Variants in ZMIZ1 observed in about 807,000 individuals in gnomAD.
ZMIZ1 encodes zinc finger MIZ-type containing 1, also known as zinc finger MIZ domain-containing protein 1.
Under a neutral mutation model 113.9 loss-of-function variants are expected in ZMIZ1, and 17 were observed. That is an observed-to-expected ratio of 0.15 (90% CI 0.10 to 0.22). ZMIZ1 has a LOEUF of 0.22. Among genes scored for constraint, ZMIZ1 ranks in the 10% least tolerant of loss-of-function variants. The pLI is 1.00. For missense variants in ZMIZ1, 1,059 were observed against 1,477.8 expected (o/e 0.72, Z 4.65); for synonymous variants, 607 against 603.1 (o/e 1.01, Z -0.09).
At chr10:79,195,431 G>T (rs1847792825) in intron 4 of ZMIZ1, among the ~76,000 whole-genome samples, 1 of 152,374 alleles carries the variant, frequency 6.6e-6, no homozygotes, top group South Asian at 2.1e-4. Context: ...GCAGTAGGAA[G>T]GGCTGAGGCC....
At chr10:79,102,721 C>T (rs563319118) in intron 1 of ZMIZ1, among the ~76,000 whole-genome samples, 1 of 152,186 alleles carries the variant, frequency 6.6e-6, no homozygotes, top group African/African-American at 2.4e-5. Context: ...GCTTTGCTGC[C>T]GTAGGCTACC....
intron 3 of ZMIZ1, among the ~76,000 whole-genome samples, chr10:79,150,448 G>A (rs1845668350): frequency 6.6e-6 from 1 of 152,200 alleles, no homozygotes; most frequent in South Asian, 2.1e-4. Context: ...ACATGCTAAT[G>A]ACTTATCTCC....
chr10:79,221,746 C>A (rs189581890), intron 7 of ZMIZ1, among the ~76,000 whole-genome samples: 1 of 152,224 alleles, frequency 6.6e-6, no homozygotes. Flanking sequence ...CTCAGCTGAC[C>A]CGTGAGCAGC....
chr10:79,282,285 GCT>G (rs1329135684), intron 8 of ZMIZ1, among the ~76,000 whole-genome samples: 2 of 152,244 alleles, frequency 1.3e-5, no homozygotes, highest in African/African-American at 4.8e-5. Context: ...GAGGCAGGAA[GCT>G]CTTTTTGCCT....
At chr10:79,108,584 CAG>C (rs1010097340) in intron 1 of ZMIZ1, among the ~76,000 whole-genome samples, 3 of 152,024 alleles carry the variant, frequency 2.0e-5, no homozygotes, top group Admixed American at 2.0e-4. Context: ...GCTAGCAGGA[CAG>C]GGGGCCTGAT....
intron 7 of ZMIZ1, among the ~76,000 whole-genome samples, chr10:79,236,507 T>C (rs1464764706): frequency 6.6e-6 from 1 of 152,186 alleles, no homozygotes; most frequent in Non-Finnish European, 1.5e-5. Context: ...GAGCTGCCGT[T>C]GCCGTCTCTT....
intron 1 of ZMIZ1, among the ~76,000 whole-genome samples, chr10:79,097,278 A>G (rs1387401545): frequency 6.6e-6 from 1 of 152,204 alleles, no homozygotes; most frequent in East Asian, 1.9e-4. Flanking sequence ...TCTTTGCAGC[A>G]TGAAGGGAGG....
rs1260971713 is a variant in ZMIZ1, at chr10:79,313,210, G to C, written c.*461G>C. 6.2e-6 allele frequency: 1 copy of C among 160,492 alleles called. No individual in the cohort carries two copies. The highest frequency in any genetic ancestry group is 2.4e-5 in the African/African-American group (1 of 41,526). 9.9% of individuals were successfully genotyped at this position (160,492 alleles called of 1,614,324 possible). A position where few individuals can be genotyped will look rare whatever the true frequency, so the allele number is the denominator to read the frequency against. ...ACTGTGGAGCCTGAGAAGGCCCCCG[G>C]GCCCCAGCATGGGCCCCGAGCCTTG... On this transcript the variant is annotated 3_prime_UTR_variant, in exon 25 of 25. Coordinates refer to ENST00000334512, the MANE Select transcript of ZMIZ1 (RefSeq NM_020338.4).
At chr10:79,093,142 AC>A (rs1843039732) in intron 1 of ZMIZ1, among the ~76,000 whole-genome samples, 1 of 119,040 alleles carries the variant, frequency 8.4e-6, no homozygotes, top group East Asian at 2.7e-4. Flanking sequence ...CCCAACACAC[AC>A]ACACACACAC....
chr10:79,166,522 A>G (rs538341921), intron 4 of ZMIZ1, among the ~76,000 whole-genome samples: 2 of 152,104 alleles, frequency 1.3e-5, no homozygotes, highest in Admixed American at 6.5e-5. Context: ...CTGCTAGCCC[A>G]CCCTGCAGCT....
At chr10:79,134,653 T>C (rs1458820296) in intron 2 of ZMIZ1, among the ~76,000 whole-genome samples, 2 of 152,214 alleles carry the variant, frequency 1.3e-5, no homozygotes, top group Admixed American at 1.3e-4. Context: ...CCTTGCACCC[T>C]GTGGGCTATC....
chr10:79,170,008 A>G lies in ZMIZ1; in HGVS notation c.-50+7875A>G, dbSNP rs187596693. ...TTCAAGTGGGAACTTCTAGGAGGATACTTTGAGATGGAGACACAGTGCTTC... is the reference window on the plus strand; with the variant it reads ...TTCAAGTGGGAACTTCTAGGAGGATGCTTTGAGATGGAGACACAGTGCTTC... On this transcript the variant is annotated intron_variant, in intron 4 of 24. Coordinates refer to ENST00000334512, the MANE Select transcript of ZMIZ1 (RefSeq NM_020338.4). Among the ~76,000 whole-genome samples, 11 of 152,302 alleles carry G rather than the reference A, an allele frequency of 7.2e-5. 1 individual carries two copies. In the East Asian group the frequency reaches 9.7e-4, roughly 13 times the overall value.
rs539041970 is a variant in ZMIZ1, at chr10:79,181,338, G to C, written c.-50+19205G>C. Among the ~76,000 whole-genome samples the C allele has an allele frequency of 1.5e-3, 229 of 152,354 alleles. 2 individuals are homozygous for C. The highest frequency in any genetic ancestry group is 5.4e-3 in the African/African-American group (224 of 41,584). ...GGGCTGCCTGCTTCTGAGGAGGCTG[G>C]AGGTGAGCGGCTGGGCAGATGCAGT... On this transcript the variant is annotated intron_variant, in intron 4 of 24. Transcript: ENST00000334512.
intron 4 of ZMIZ1, among the ~76,000 whole-genome samples, chr10:79,165,259 G>A (rs1357161757): frequency 6.6e-6 from 1 of 152,166 alleles, no homozygotes; most frequent in Admixed American, 6.5e-5. Flanking sequence ...CCCCTGCCTG[G>A]GTGAGCTCAG....
At chr10:79,293,964 ACT>A in intron 12 of ZMIZ1, 1 of 474,260 alleles carries the variant, frequency 2.1e-6, no homozygotes, top group Non-Finnish European at 3.9e-6. Flanking sequence ...TACTGTAGTG[ACT>A]CTTGTCTTGG....
intron 7 of ZMIZ1, among the ~76,000 whole-genome samples, chr10:79,260,951 G>A (rs1851222840): frequency 6.6e-6 from 1 of 152,202 alleles, no homozygotes. Flanking sequence ...AACAGAGAAA[G>A]GAGGCGTGTC....
At chr10:79,113,333 C>T (rs562586522) in intron 1 of ZMIZ1, among the ~76,000 whole-genome samples, 7 of 152,324 alleles carry the variant, frequency 4.6e-5, no homozygotes, top group South Asian at 4.1e-4. Flanking sequence ...CCATGGTCTG[C>T]GTCATACTGG....
intron 7 of ZMIZ1, among the ~76,000 whole-genome samples, chr10:79,245,039 C>T (rs1380911588): frequency 2.0e-5 from 3 of 152,170 alleles, no homozygotes; most frequent in Non-Finnish European, 2.9e-5. Flanking sequence ...ATTCAAGTCC[C>T]CTTCTGAGCT....
intron 7 of ZMIZ1, among the ~76,000 whole-genome samples, chr10:79,232,765 A>G (rs757837561): frequency 4.6e-5 from 7 of 152,158 alleles, no homozygotes; most frequent in Non-Finnish European, 8.8e-5. Context: ...TTACGAAAAT[A>G]TTAAGGTGCA....
Sources: allele counts gnomAD v4.1 joint callset (sites outside exome capture counted in the v4.1 genomes callset), GRCh38; gene constraint gnomAD v4.1.1; transcripts MANE v1.5; gene names NCBI Gene and HGNC (gene_info 2026-07-23, HGNC 2026-07-21).